TMTC4: variants seen among roughly 807,000 people sequenced by gnomAD.
TMTC4 encodes protein O-mannosyl-transferase TMTC4.
TMTC4 carries 65 observed loss-of-function variants against 86.0 expected under a neutral mutation model. The observed-to-expected ratio is 0.76, with a 90% confidence interval of 0.62 to 0.93. The LOEUF (loss-of-function observed/expected upper bound fraction) is 0.93, where lower values mean the gene tolerates loss of function less well. Among genes scored for constraint, TMTC4 ranks in the 40% least tolerant of loss-of-function variants. The probability of loss-of-function intolerance (pLI) is 0.00; values close to 1 mark genes in which losing one functional copy is unlikely to be tolerated. For missense variants in TMTC4, 866 were observed against 948.1 expected, an observed-to-expected ratio of 0.91 and a Z score of 1.14; for synonymous variants, 379 against 382.5, an observed-to-expected ratio of 0.99 and a Z score of 0.11.
At chr13:100,636,796 G>T (rs554421476) in intron 9 of TMTC4, 62 bp from the exon 10 acceptor site, 1 of 1,552,580 alleles carries the variant, frequency 6.4e-7, no homozygotes, top group Non-Finnish European at 8.8e-7. Flanking sequence ...ACATATATAC[G>T]CACTAACTTC....
At chr13:100,638,289 A>G (rs1882551657) in intron 7 of TMTC4, 2 of 329,746 alleles carry the variant, frequency 6.1e-6, no homozygotes, top group East Asian at 1.1e-4. Context: ...AAGATTCAGG[A>G]TAGCTAGAAA....
chr13:100,664,449 C>T (rs151285040), intron 3 of TMTC4, 113 bp from the exon 4 acceptor site: 4 of 656,482 alleles, frequency 6.1e-6, no homozygotes, highest in Non-Finnish European at 1.0e-5. Flanking sequence ...GATGCTGTGC[C>T]CAACATGTTC....
chr13:100,645,077 G>A (rs1294574799), intron 6 of TMTC4, among the ~76,000 whole-genome samples: 1 of 152,178 alleles, frequency 6.6e-6, no homozygotes, highest in Non-Finnish European at 1.5e-5. Flanking sequence ...CTCCCAAAGT[G>A]CTGGGATTAC....
In TMTC4 at chr13:100,605,170, G is replaced by A. The variant is rs745835411; in HGVS notation, c.2135-28C>T. ...GAAATAGCAGGAGATAAATTTCACT[G>A]GGAATGCTTCTGAGTAACGTGCCGT... On this transcript the variant is annotated intron_variant, in intron 18 of 18. Transcript: ENST00000342624. This position sits in a 1 kb window ranked among gnomAD's most constrained non-coding sequence, Gnocchi z 4.3. 1.9e-6 allele frequency: 3 copies of A among 1,603,826 alleles called. No individual in the cohort carries two copies. In the Admixed American group the frequency reaches 5.1e-5, roughly 28 times the overall value.
intron 12 of TMTC4, among the ~76,000 whole-genome samples, chr13:100,634,315 A>G (rs1881882485): frequency 6.6e-6 from 1 of 152,162 alleles, no homozygotes; most frequent in African/African-American, 2.4e-5. Flanking sequence ...AATGTGTACT[A>G]TTGTGCAGCA....
intron 15 of TMTC4, among the ~76,000 whole-genome samples, chr13:100,618,526 G>A (rs1396449876): frequency 6.9e-6 from 1 of 145,208 alleles, no homozygotes; most frequent in African/African-American, 2.6e-5. Flanking sequence ...ATTCTTGGGT[G>A]TTTCTCGCAG....
At position 100,668,735 on chromosome 13, in the gene TMTC4, G is replaced by A. The variant is rs778287026; in HGVS notation, c.63C>T (p.Ala21=). Residue 21 remains alanine (A), a synonymous_variant, in exon 3 of 19, where the codon GCC becomes GCT. Transcript: ENST00000342624. The stretch of plus-strand genomic sequence containing the variant: ...TGTGATCCAAATCAGTGTCCAACAC[G>A]GCCATTCTGAAAACTGCAGGTTGGT... ...GSHQPAVFRM[A]VLDTDLDHIL... 3.1e-6 allele frequency: 5 copies of A among 1,614,080 alleles called. No homozygotes were observed. The African/African-American group carries it at 4.0e-5, about 13-fold the overall frequency.
chr13:100,634,870 C>A lies in TMTC4; in HGVS notation c.1441G>T (p.Gly481Cys), dbSNP rs111808675. 1.9e-6 allele frequency: 3 copies of A among 1,614,160 alleles called. No homozygotes were observed. In the South Asian group the frequency reaches 3.3e-5, roughly 18 times the overall value. Residue 481 changes from glycine (G) to cysteine (C), a missense_variant, in exon 12 of 19, where the codon GGC (glycine) becomes TGC (cysteine). Gly to Cys is a radical substitution (Grantham distance 159). Transcript: ENST00000342624. Reference protein sequence around the residue: ...INTLRCVLRSGEWRSEEQLFR... With the variant: ...INTLRCVLRSCEWRSEEQLFR... ...AGCTGTTCCTCACTCCGCCACTCGCCGCTGCGCAGCACACATCTCAGCGTG... is the reference window on the plus strand; with the variant it reads ...AGCTGTTCCTCACTCCGCCACTCGCAGCTGCGCAGCACACATCTCAGCGTG...
At chr13:100,656,631 C>T (rs1253727288) in intron 5 of TMTC4, among the ~76,000 whole-genome samples, 163 bp from the exon 6 acceptor site, 1 of 148,402 alleles carries the variant, frequency 6.7e-6, no homozygotes, top group Non-Finnish European at 1.5e-5. Flanking sequence ...TAGCCTCAAC[C>T]CCCCTGGGCT....
At chr13:100,624,400 G>T in intron 15 of TMTC4, 1 of 152,974 alleles carries the variant, frequency 6.5e-6, no homozygotes, top group South Asian at 2.0e-4. Context: ...CAGAAGCCAT[G>T]GCACGCACCG....
intron 12 of TMTC4, among the ~76,000 whole-genome samples, chr13:100,633,909 G>A (rs1881802267): frequency 6.6e-6 from 1 of 152,192 alleles, no homozygotes; most frequent in African/African-American, 2.4e-5. Context: ...GGAGGCTGAA[G>A]CAGACGGATC....
At chr13:100,617,352 G>A (rs1281982253) in intron 15 of TMTC4, among the ~76,000 whole-genome samples, 1 of 152,136 alleles carries the variant, frequency 6.6e-6, no homozygotes, top group Admixed American at 6.6e-5. Context: ...GCCCAGGCTG[G>A]CTTCAAACTC....
At chr13:100,609,603 G>A (rs1029369799) in intron 17 of TMTC4, among the ~76,000 whole-genome samples, 24 of 151,796 alleles carry the variant, frequency 1.6e-4, no homozygotes, top group Admixed American at 1.4e-3. Flanking sequence ...ATGGCAAGAA[G>A]TAATATAAAT....
chr13:100,608,973 G>T (rs998437341), intron 17 of TMTC4, among the ~76,000 whole-genome samples: 9 of 152,204 alleles, frequency 5.9e-5, no homozygotes, highest in African/African-American at 1.9e-4. Context: ...GTGGGCGGAG[G>T]TCATTTCAGC....
intron 15 of TMTC4, among the ~76,000 whole-genome samples, chr13:100,624,684 C>G (rs190676725): frequency 6.6e-6 from 1 of 152,238 alleles, no homozygotes; most frequent in African/African-American, 2.4e-5. Flanking sequence ...ACCTGTAAGG[C>G]TAAGCTGGAT....
intron 2 of TMTC4, 85 bp downstream of exon 2, chr13:100,670,275 T>G: frequency 6.6e-7 from 1 of 1,519,990 alleles, no homozygotes; most frequent in South Asian, 1.3e-5. Flanking sequence ...GCCAGCCAAA[T>G]AGGCCACCTG....
chr13:100,625,340 A>G (rs1399376857), intron 15 of TMTC4, 195 bp downstream of exon 15: 14 of 708,538 alleles, frequency 2.0e-5, no homozygotes, highest in Non-Finnish European at 2.7e-5. Flanking sequence ...ACTAATTCAC[A>G]CTGTACTGCT....
At chr13:100,612,654 T>TACACACACACACAC in intron 16 of TMTC4, 144 bp from the exon 17 acceptor site, 1 of 448,062 alleles carries the variant, frequency 2.2e-6, no homozygotes, top group Non-Finnish European at 3.9e-6. Flanking sequence ...GATCATGTAA[T>TACACACACACACAC]ACACACACAC....
chr13:100,668,059 AT>A (rs1886607690), intron 3 of TMTC4, among the ~76,000 whole-genome samples: 1 of 152,218 alleles, frequency 6.6e-6, no homozygotes, highest in African/African-American at 2.4e-5. Flanking sequence ...TGCAGCGCCC[AT>A]GGGCAGCACA....
Sources: gnomAD v4.1 joint callset for allele counts (sites outside exome capture counted in the v4.1 genomes callset) on GRCh38, gnomAD v4.1.1 for gene constraint, Gnocchi (gnomAD v3.1) non-coding constraint, MANE v1.5 for transcripts, NCBI Gene and HGNC (gene_info 2026-07-23, HGNC 2026-07-21) for gene names.